The following CSMD3 variants were observed in gnomAD, a reference collection of about 807,000 sequenced individuals.
CSMD3 encodes CUB and sushi domain-containing protein 3.
CSMD3 carries 177 observed loss-of-function variants against 435.2 expected under a neutral mutation model. That is an observed-to-expected ratio of 0.41 (90% CI 0.36 to 0.46). The LOEUF (loss-of-function observed/expected upper bound fraction) is 0.46. CSMD3 is among the 20% of genes least tolerant of loss of function. The pLI, the probability that CSMD3 is intolerant of heterozygous loss-of-function variation, is 0.34. For synonymous variants in CSMD3, 1,656 were observed against 1,520.5 expected (o/e 1.09, Z -2.07); for missense variants, 4,265 against 4,504.6 (o/e 0.95, Z 1.52).
chr8:113,334,765 T>C (rs1486999731), intron 1 of CSMD3, among the ~76,000 whole-genome samples: 1 of 152,142 alleles, frequency 6.6e-6, no homozygotes, highest in East Asian at 1.9e-4. Context: ...TTTGCAATAT[T>C]TATTTCATAT....
intron 4 of CSMD3, among the ~76,000 whole-genome samples, chr8:113,126,200 G>A (rs948237221): frequency 2.0e-5 from 3 of 151,810 alleles, no homozygotes; most frequent in African/African-American, 4.8e-5. Flanking sequence ...AACTAGCATA[G>A]ATGAGAAACA....
chr8:112,806,697 T>A (rs1287783201), intron 12 of CSMD3, among the ~76,000 whole-genome samples: 1 of 152,212 alleles, frequency 6.6e-6, no homozygotes, highest in East Asian at 1.9e-4. Flanking sequence ...TATTCTTGTC[T>A]GTAATGAGGC....
At chr8:112,513,212 C>A (rs931932095) in intron 28 of CSMD3, among the ~76,000 whole-genome samples, 1 of 152,180 alleles carries the variant, frequency 6.6e-6, no homozygotes, top group African/African-American at 2.4e-5. Context: ...ACATGGGTAA[C>A]TATTTGGTGC....
At chr8:113,423,884 A>G (rs2094621561) in intron 1 of CSMD3, among the ~76,000 whole-genome samples, 2 of 151,902 alleles carry the variant, frequency 1.3e-5, no homozygotes, top group Non-Finnish European at 2.9e-5. Context: ...TTATCAAAGC[A>G]GAAAAAATAG....
intron 63 of CSMD3, among the ~76,000 whole-genome samples, chr8:112,253,401 T>C (rs1815464123): frequency 6.6e-6 from 1 of 151,956 alleles, no homozygotes; most frequent in Admixed American, 6.6e-5. Context: ...TCAATGTTCA[T>C]ACTGTGCCTG....
intron 32 of CSMD3, among the ~76,000 whole-genome samples, chr8:112,417,540 C>G (rs1586257076): frequency 6.6e-6 from 1 of 152,104 alleles, no homozygotes; most frequent in Non-Finnish European, 1.5e-5. Flanking sequence ...AGCATATCCT[C>G]TTTCATTGTC....
chr8:112,937,134 T>C (rs959871194), intron 9 of CSMD3, among the ~76,000 whole-genome samples: 5 of 152,136 alleles, frequency 3.3e-5, no homozygotes, highest in Non-Finnish European at 7.4e-5. Flanking sequence ...TTATAAGCCA[T>C]ATATTTTAAA....
chr8:113,348,378 T>C (rs953392030), intron 1 of CSMD3, among the ~76,000 whole-genome samples: 1 of 152,140 alleles, frequency 6.6e-6, no homozygotes, highest in Non-Finnish European at 1.5e-5. Context: ...AGTAGAGCCA[T>C]GTACCAAACA....
intron 38 of CSMD3, among the ~76,000 whole-genome samples, chr8:112,373,799 G>C (rs114209125): frequency 1.3e-5 from 2 of 152,122 alleles, no homozygotes; most frequent in Non-Finnish European, 1.5e-5. Context: ...GGCGGGAATC[G>C]ATGTGGTGCT....
intron 1 of CSMD3, among the ~76,000 whole-genome samples, chr8:113,348,705 C>A (rs2094169145): frequency 6.6e-6 from 1 of 151,984 alleles, no homozygotes; most frequent in South Asian, 2.1e-4. Context: ...AGAAGGAATG[C>A]TCAAAGACAC....
At chr8:113,360,410 T>TA (rs2094264701) in intron 1 of CSMD3, among the ~76,000 whole-genome samples, 1 of 152,132 alleles carries the variant, frequency 6.6e-6, no homozygotes, top group Non-Finnish European at 1.5e-5. Flanking sequence ...TGCACAGGGT[T>TA]TACATACATT....
At chr8:112,869,596 A>G (rs2081074666) in intron 10 of CSMD3, among the ~76,000 whole-genome samples, 1 of 152,232 alleles carries the variant, frequency 6.6e-6, no homozygotes, top group African/African-American at 2.4e-5. Context: ...TGTTTACTGC[A>G]GCACTATTTG....
At chr8:112,457,469 AATG>A (rs1417612125) in intron 32 of CSMD3, among the ~76,000 whole-genome samples, 2 of 152,110 alleles carry the variant, frequency 1.3e-5, no homozygotes, top group African/African-American at 2.4e-5. Context: ...TTTCCTGCAG[AATG>A]ATATTTCAGT....
At chr8:112,361,390 AT>A (rs1327846301) in intron 38 of CSMD3, among the ~76,000 whole-genome samples, 2 of 151,564 alleles carry the variant, frequency 1.3e-5, no homozygotes, top group Non-Finnish European at 3.0e-5. Context: ...GGCTGAAAAT[AT>A]TAAATCCTTA....
At chr8:112,737,861 A>G (rs10505193) in intron 13 of CSMD3, among the ~76,000 whole-genome samples, 50,443 of 151,642 alleles carry the variant, frequency 0.33, 9,257 homozygotes, top group African/African-American at 0.5. Flanking sequence ...ATCTTTCCAA[A>G]TAGTGAGTTT....
At position 113,357,069 on chromosome 8, in the gene CSMD3, T is replaced by C. The variant is rs553442262; in HGVS notation, c.179-42276A>G. On this transcript the variant is annotated intron_variant, in intron 1 of 70. Coordinates refer to ENST00000297405, the MANE Select transcript of CSMD3 (RefSeq NM_198123.2). Reference sequence around the variant, plus strand: ...TGAAAAAAATATATATACATACATATATTTATGTGTTTGTGTTGTATTTAC... The same window carrying C: ...TGAAAAAAATATATATACATACATACATTTATGTGTTTGTGTTGTATTTAC... Among the ~76,000 whole-genome samples, 7 of 152,316 alleles carry C rather than the reference T, an allele frequency of 4.6e-5. No individual in the cohort carries two copies. The East Asian group carries it at 9.6e-4, about 21-fold the overall frequency.
chr8:112,501,534 A>C (rs1270651420), intron 30 of CSMD3, among the ~76,000 whole-genome samples: 1 of 152,206 alleles, frequency 6.6e-6, no homozygotes, highest in Non-Finnish European at 1.5e-5. Flanking sequence ...AGTTTAACAA[A>C]AGCACTGGTT....
At chr8:113,218,684 T>C (rs2092933733) in intron 3 of CSMD3, among the ~76,000 whole-genome samples, 1 of 151,202 alleles carries the variant, frequency 6.6e-6, no homozygotes, top group African/African-American at 2.4e-5. Context: ...GAAGGAAAAT[T>C]TCTCAGTCTG....
At chr8:112,604,460 G>T (rs1218415454) in intron 22 of CSMD3, among the ~76,000 whole-genome samples, 3 of 152,082 alleles carry the variant, frequency 2.0e-5, no homozygotes, top group Admixed American at 6.6e-5. Context: ...GTAGGTTAGA[G>T]AACCCAGAAA....
Sources: gnomAD v4.1 joint callset for allele counts (sites outside exome capture counted in the v4.1 genomes callset) on GRCh38, gnomAD v4.1.1 for gene constraint, MANE v1.5 for transcripts, NCBI Gene and HGNC (gene_info 2026-07-23, HGNC 2026-07-21) for gene names.